Variants in RASA3 observed in about 807,000 individuals in gnomAD.
RASA3 encodes the protein RAS p21 protein activator 3.
In RASA3, 73 loss-of-function variants were observed where a neutral mutation model predicts 110.0. The observed-to-expected ratio is 0.66, with a 90% CI of 0.55 to 0.81. The LOEUF is 0.81. Among genes scored for constraint, RASA3 ranks in the 30% least tolerant of loss-of-function variants. The pLI, the probability that RASA3 is intolerant of heterozygous loss-of-function variation, is 0.00. For synonymous variants in RASA3, 500 were observed against 451.4 expected (o/e 1.11, Z -1.37); for missense variants, 976 against 1,113.2 (o/e 0.88, Z 1.75).
At chr13:114,130,845 A>G (rs780225898) in intron 1 of RASA3, among the ~76,000 whole-genome samples, 30 of 151,968 alleles carry the variant, frequency 2.0e-4, no homozygotes, top group South Asian at 8.3e-4. Context: ...TGCCCCCGTG[A>G]CTGAGGAAGC....
At chr13:114,066,994 C>T (rs1354358636) in intron 2 of RASA3, among the ~76,000 whole-genome samples, 1 of 141,536 alleles carries the variant, frequency 7.1e-6, no homozygotes, top group South Asian at 2.3e-4. Context: ...GGGCTGAGGA[C>T]GGGCCCCCCA....
At chr13:114,002,092 C>T (rs916745826) in intron 18 of RASA3, among the ~76,000 whole-genome samples, 3 of 152,176 alleles carry the variant, frequency 2.0e-5, no homozygotes, top group South Asian at 2.1e-4. Context: ...AACCGGCGGC[C>T]GAGCTGGAGG....
intron 17 of RASA3, among the ~76,000 whole-genome samples, chr13:114,008,844 C>T (rs1244355837): frequency 6.5e-5 from 4 of 61,336 alleles, no homozygotes; most frequent in African/African-American, 2.2e-4. Flanking sequence ...ACGTTCCCCA[C>T]GCACCGCGTT....
chr13:114,009,497 C>CAAGGCTGTCTGGACAG lies in RASA3; in HGVS notation c.1591-34_1591-33insCTGTCCAGACAGCCTT. On this transcript the variant is annotated intron_variant, in intron 16 of 23. Coordinates refer to ENST00000334062, the MANE Select transcript of RASA3 (RefSeq NM_007368.4). Reference sequence around the variant, plus strand: ...GAAACGGAGATCACTCGAGGACAGCCCGAAGTACCTCGGCTCACGGCCCAA... The same window carrying CAAGGCTGTCTGGACAG: ...GAAACGGAGATCACTCGAGGACAGCCAAGGCTGTCTGGACAGCGAAGTACCTCGGCTCACGGCCCAA... 2 of 1,439,880 alleles carry CAAGGCTGTCTGGACAG rather than the reference C, an allele frequency of 1.4e-6. 1 individual carries two copies. The allele number at this position is 1,439,880 out of a possible 1,614,324, so 89.2% of individuals were successfully genotyped here.
At chr13:114,107,215 G>A (rs1394205312) in intron 1 of RASA3, among the ~76,000 whole-genome samples, 1 of 152,038 alleles carries the variant, frequency 6.6e-6, no homozygotes, top group East Asian at 1.9e-4. Context: ...CCTGGTCCTC[G>A]CAGGGGACAG....
chr13:114,027,245 A>C lies in RASA3; in HGVS notation c.603+144T>G, dbSNP rs993677344. ...CGGGGCTCGCTCCTCTCCGGAAGGAACCCAGGGCCGGCTGGCGGGGCTCGC... is the reference window on the plus strand; with the variant it reads ...CGGGGCTCGCTCCTCTCCGGAAGGACCCCAGGGCCGGCTGGCGGGGCTCGC... On this transcript the variant is annotated intron_variant, in intron 7 of 23. Coordinates refer to ENST00000334062, the MANE Select transcript of RASA3 (RefSeq NM_007368.4). 6 of 747,418 alleles carry C rather than the reference A, an allele frequency of 8.0e-6. No individual in the cohort carries two copies. In the African/African-American group the frequency reaches 9.0e-5, roughly 11 times the overall value. The allele number at this position is 747,418 out of a possible 1,614,324, so 46.3% of individuals were successfully genotyped here. A position where few individuals can be genotyped will look rare whatever the true frequency, so the allele number is the denominator to read the frequency against.
chr13:114,090,286 C>T (rs2079874402), intron 1 of RASA3, among the ~76,000 whole-genome samples: 2 of 152,232 alleles, frequency 1.3e-5, no homozygotes, highest in Non-Finnish European at 2.9e-5. Flanking sequence ...ACACCCTCGT[C>T]AGCACTTGTT....
intron 1 of RASA3, 132 bp downstream of exon 1, chr13:114,132,302 TC>T: frequency 1.0e-6 from 1 of 986,296 alleles, no homozygotes; most frequent in Non-Finnish European, 1.3e-6. Flanking sequence ...CCAGCCGTTC[TC>T]CGGGGAGCGC....
chr13:114,041,149 GC>G, intron 3 of RASA3, 55 bp from the exon 4 acceptor site: 1 of 1,471,646 alleles, frequency 6.8e-7, no homozygotes, highest in Non-Finnish European at 9.5e-7. Context: ...GAGCCAGGAC[GC>G]CTGTGAGCAG....
intron 1 of RASA3, among the ~76,000 whole-genome samples, chr13:114,128,111 C>T (rs771954881): frequency 6.6e-6 from 1 of 152,190 alleles, no homozygotes; most frequent in South Asian, 2.1e-4. Context: ...TAGCTGAGCT[C>T]GGTTAATAAA....
In RASA3 at chr13:114,015,479, C is replaced by T. The variant is rs2053769735; in HGVS notation, c.1282-147G>A. 1.2e-5 allele frequency: 12 copies of T among 979,290 alleles called. No individual in the cohort carries two copies. In the South Asian group the frequency reaches 1.8e-4, roughly 14 times the overall value. 60.7% of individuals were successfully genotyped at this position (979,290 alleles called of 1,614,324 possible). The stretch of plus-strand genomic sequence containing the variant: ...GCAGTGAGACACGTGTGAACAGCCA[C>T]TCCCTGGAAATCTGTGCTGGGAGCT... On this transcript the variant is annotated intron_variant, in intron 13 of 23. Transcript: ENST00000334062.
At chr13:114,021,606 G>A (rs371714742) in intron 8 of RASA3, 98 bp from the exon 9 acceptor site, 5 of 901,010 alleles carry the variant, frequency 5.5e-6, no homozygotes, top group African/African-American at 3.3e-5. Flanking sequence ...GCAGAATGGA[G>A]CCTGCAGCGC....
Position 114,034,027 on chromosome 13 carries a change from A to G in RASA3, c.373-4140T>C, listed in dbSNP as rs554101901. Reference sequence around the variant, plus strand: ...TCGCCTGTGGTCCTCACCGCCTGGCAGCGGGCCTGCTATCCGTGGCTATCC... The same window carrying G: ...TCGCCTGTGGTCCTCACCGCCTGGCGGCGGGCCTGCTATCCGTGGCTATCC... On this transcript the variant is annotated intron_variant, in intron 4 of 23. Coordinates refer to ENST00000334062, the MANE Select transcript of RASA3 (RefSeq NM_007368.4). Among the ~76,000 whole-genome samples, 4 of 152,378 alleles carry G rather than the reference A, an allele frequency of 2.6e-5. 1 individual carries two copies. Among genetic ancestry groups the G allele is most frequent in the African/African-American group, 9.6e-5 (4 of 41,592 alleles).
At chr13:114,039,309 A>G (rs1221724301) in intron 4 of RASA3, among the ~76,000 whole-genome samples, 2 of 144,938 alleles carry the variant, frequency 1.4e-5, no homozygotes, top group African/African-American at 2.9e-5. Flanking sequence ...AGGACCCAGG[A>G]AGCCCTCCTG....
intron 1 of RASA3, among the ~76,000 whole-genome samples, chr13:114,097,382 G>A (rs61971960): frequency 0.056 from 8,484 of 152,300 alleles, 303 homozygotes; most frequent in Middle Eastern, 0.14. Context: ...AGGGCGCCAG[G>A]AGCAAACACC....
At position 114,098,103 on chromosome 13, in the gene RASA3, G is replaced by A. The variant is rs149391458; in HGVS notation, c.56-24266C>T. On this transcript the variant is annotated intron_variant, in intron 1 of 23. Coordinates refer to ENST00000334062, the MANE Select transcript of RASA3 (RefSeq NM_007368.4). ...CTGCCAGCACAGAGAGGCCCAAGTGGACCCCAGGGCCAAAACCCCAAGTCT... is the reference window on the plus strand; with the variant it reads ...CTGCCAGCACAGAGAGGCCCAAGTGAACCCCAGGGCCAAAACCCCAAGTCT... Among the ~76,000 whole-genome samples the A allele has an allele frequency of 3.0e-3, 451 of 152,260 alleles. 3 individuals carry two copies. Among genetic ancestry groups the A allele is most frequent in the African/African-American group, 0.01 (426 of 41,566 alleles).
At chr13:114,026,398 C>A (rs2054026482) in intron 7 of RASA3, among the ~76,000 whole-genome samples, 1 of 152,254 alleles carries the variant, frequency 6.6e-6, no homozygotes, top group Non-Finnish European at 1.5e-5. Context: ...TCTTCTCCGC[C>A]TGTCTATAAG....
rs960057162 is a variant in RASA3, at chr13:114,057,373, G to A, written c.174-5218C>T. On this transcript the variant is annotated intron_variant, in intron 2 of 23. Coordinates refer to ENST00000334062, the MANE Select transcript of RASA3 (RefSeq NM_007368.4). This position sits in a 1 kb window ranked among gnomAD's most constrained non-coding sequence, Gnocchi z 5.0. ...TTCCCACGAGCTGGACGAGCAGAAGGCATTGCAGGGCAGTGGGGTCCGGAG... is the reference window on the plus strand; with the variant it reads ...TTCCCACGAGCTGGACGAGCAGAAGACATTGCAGGGCAGTGGGGTCCGGAG... 1 of 985,294 alleles carries A rather than the reference G, an allele frequency of 1.0e-6. No individual in the cohort carries two copies. The highest frequency in any genetic ancestry group is 1.2e-6 in the Non-Finnish European group (1 of 829,932). The allele number at this position is 985,294 out of a possible 1,614,324, so 61.0% of individuals were successfully genotyped here. A position where few individuals can be genotyped will look rare whatever the true frequency, so the allele number is the denominator to read the frequency against.
At chr13:114,059,239 G>A (rs2079297485) in intron 2 of RASA3, among the ~76,000 whole-genome samples, 1 of 149,996 alleles carries the variant, frequency 6.7e-6, no homozygotes, top group South Asian at 2.2e-4. Context: ...AGGAGCCGCC[G>A]TCAGGCCCTC....
Sources: allele counts gnomAD v4.1 joint callset (sites outside exome capture counted in the v4.1 genomes callset), GRCh38; gene constraint gnomAD v4.1.1; non-coding constraint Gnocchi (gnomAD v3.1); transcripts MANE v1.5; gene names NCBI Gene and HGNC (gene_info 2026-07-23, HGNC 2026-07-21).